The following KANK1 variants were observed in gnomAD, a reference collection of about 807,000 sequenced individuals.
The protein encoded by KANK1 is KN motif and ankyrin repeat domain-containing protein 1.
KANK1 carries 109 observed loss-of-function variants against 106.2 expected under a neutral mutation model. That is an observed-to-expected ratio of 1.03 (90% CI 0.88 to 1.20). KANK1 has a LOEUF of 1.20. Ranked by LOEUF, KANK1 falls within the 50% of genes most tolerant of loss-of-function variation. The probability of loss-of-function intolerance (pLI) is 0.00; values close to 1 mark genes in which losing one functional copy is unlikely to be tolerated. For missense variants in KANK1, 2,399 were observed against 1,710.7 expected (o/e 1.40, Z -7.10); for synonymous variants, 873 against 652.2 (o/e 1.34, Z -5.16).
At chr9:644,528 G>C (rs1043080429) in intron 1 of KANK1, among the ~76,000 whole-genome samples, 1 of 150,910 alleles carries the variant, frequency 6.6e-6, no homozygotes, top group African/African-American at 2.5e-5. Context: ...CACGTTTTAC[G>C]TGGCCAGAGC....
At chr9:621,523 G>C (rs905711852) in intron 1 of KANK1, among the ~76,000 whole-genome samples, 1 of 152,178 alleles carries the variant, frequency 6.6e-6, no homozygotes, top group Non-Finnish European at 1.5e-5. Context: ...TTTGACCCCA[G>C]TAATTTTGTA....
chr9:474,079 C>A (rs576087950), intron 3 of KANK1, among the ~76,000 whole-genome samples: 3 of 152,292 alleles, frequency 2.0e-5, no homozygotes, highest in Non-Finnish European at 4.4e-5. Flanking sequence ...GAAATACTAT[C>A]TATTTATAAT....
chr9:606,974 C>T (rs996125880), intron 1 of KANK1, among the ~76,000 whole-genome samples: 3 of 139,292 alleles, frequency 2.2e-5, no homozygotes, highest in Non-Finnish European at 3.1e-5. Flanking sequence ...TGCCCGTTCA[C>T]ATTTTTATTT....
chr9:577,012 T>C (rs1349064616), intron 1 of KANK1, among the ~76,000 whole-genome samples: 1 of 152,188 alleles, frequency 6.6e-6, no homozygotes, highest in Non-Finnish European at 1.5e-5. Context: ...CCTTAGTTTC[T>C]TCCTTCCAGT....
chr9:584,642 G>C (rs754417711), intron 1 of KANK1, among the ~76,000 whole-genome samples: 7 of 152,140 alleles, frequency 4.6e-5, no homozygotes, highest in Non-Finnish European at 8.8e-5. Context: ...ATAACATAGA[G>C]CTGTTGAATA....
rs183572450 is a variant in KANK1 at position 483,105 on chromosome 9, A to G, written c.-362+9832A>G. Among the ~76,000 whole-genome samples, 152 of 152,274 alleles carry G rather than the reference A, an allele frequency of 1.0e-3. No individual in the cohort carries two copies. In the Middle Eastern group the frequency reaches 0.02, roughly 20 times the overall value. ...AATGAGGTCAGAATATTGTTTTATT[A>G]TATTATAAGTTGTTATCCTTTATTG... On this transcript the variant is annotated intron_variant, in intron 3 of 15. Coordinates refer to the KANK1 transcript ENST00000382303.
At chr9:653,519 G>T (rs1294408516) in intron 1 of KANK1, among the ~76,000 whole-genome samples, 2 of 152,030 alleles carry the variant, frequency 1.3e-5, no homozygotes, top group Non-Finnish European at 2.9e-5. Flanking sequence ...ACTTTCCTTG[G>T]GTCTGGCCTC....
chr9:661,883 G>A (rs36175527), intron 1 of KANK1, among the ~76,000 whole-genome samples: 87,993 of 138,616 alleles, frequency 0.63, 27,642 homozygotes, highest in East Asian at 0.89. Context: ...CAGTGATGAT[G>A]AGCATTTTTT....
intron 1 of KANK1, among the ~76,000 whole-genome samples, chr9:658,133 A>C (rs1842539956): frequency 6.6e-6 from 1 of 152,166 alleles, no homozygotes; most frequent in African/African-American, 2.4e-5. Context: ...TGAAATCTAA[A>C]TAAACTATTC....
intron 1 of KANK1, among the ~76,000 whole-genome samples, chr9:514,375 G>A (rs748807556): frequency 6.1e-5 from 9 of 148,512 alleles, no homozygotes; most frequent in Non-Finnish European, 1.3e-4. Context: ...GTTATGAGAT[G>A]GTTCAGCTCA....
At chr9:514,250 TCCTC>T (rs1291679175) in intron 1 of KANK1, among the ~76,000 whole-genome samples, 1 of 73,308 alleles carries the variant, frequency 1.4e-5, no homozygotes, top group Admixed American at 1.1e-4. Context: ...CTTCCTTCCT[TCCTC>T]CCTCCGTCCC....
chr9:737,352 A>G (rs549308632), intron 7 of KANK1, among the ~76,000 whole-genome samples: 1 of 152,336 alleles, frequency 6.6e-6, no homozygotes, highest in Middle Eastern at 3.4e-3. Context: ...CAGAAAGAGG[A>G]CTTCTTGGGT....
intron 1 of KANK1, among the ~76,000 whole-genome samples, chr9:619,656 G>A (rs1306926621): frequency 9.9e-5 from 15 of 151,978 alleles, no homozygotes; most frequent in Admixed American, 8.5e-4. Context: ...GGGTGCTCAC[G>A]GACTGCAGAA....
chr9:730,325 G>A (rs2131700029), intron 4 of KANK1, 77 bp downstream of exon 4: 3 of 1,371,966 alleles, frequency 2.2e-6, no homozygotes, highest in East Asian at 4.6e-5. Context: ...TAATGTCAAT[G>A]TACCTTTTAA....
intron 1 of KANK1, among the ~76,000 whole-genome samples, chr9:510,408 A>G (rs1274523219): frequency 6.6e-6 from 1 of 152,214 alleles, no homozygotes; most frequent in African/African-American, 2.4e-5. Flanking sequence ...CAAAATTCTT[A>G]CACATGACCA....
rs1816534055 is a variant in KANK1, at chr9:676,945, C to T, written c.-28C>T. The T allele has an allele frequency of 6.2e-7, 1 of 1,610,140 alleles. No homozygotes were observed. Among genetic ancestry groups the T allele is most frequent in the Non-Finnish European group, 8.5e-7 (1 of 1,177,206 alleles). On this transcript the variant is annotated 5_prime_UTR_variant, in exon 2 of 12. Coordinates refer to ENST00000382297, the MANE Select transcript of KANK1 (RefSeq NM_015158.5). ...AATTTGCATGACTCCTCACTCCTTT[C>T]TGGATCTCTCATTGGACTCAAGCCA...
At chr9:479,655 C>T (rs549783267) in intron 3 of KANK1, among the ~76,000 whole-genome samples, 3 of 152,184 alleles carry the variant, frequency 2.0e-5, no homozygotes, top group Admixed American at 6.5e-5. Context: ...AGAATAGTCA[C>T]ATAGGATAAG....
chr9:529,424 C>A (rs1354690190), intron 1 of KANK1, among the ~76,000 whole-genome samples: 2 of 151,724 alleles, frequency 1.3e-5, no homozygotes, highest in South Asian at 4.2e-4. Context: ...TGGTGTTGAT[C>A]TCTCGACCTC....
chr9:564,363 G>A (rs1227631398), intron 1 of KANK1, among the ~76,000 whole-genome samples: 1 of 152,034 alleles, frequency 6.6e-6, no homozygotes, highest in Non-Finnish European at 1.5e-5. Flanking sequence ...TGCCCGGCCA[G>A]AATGCACTTT....
Sources: allele counts gnomAD v4.1 joint callset (sites outside exome capture counted in the v4.1 genomes callset), GRCh38; gene constraint gnomAD v4.1.1; transcripts MANE v1.5; gene names NCBI Gene and HGNC (gene_info 2026-07-23, HGNC 2026-07-21).